The following SYTL2 variants were observed in gnomAD, a reference collection of about 807,000 sequenced individuals.
The protein encoded by SYTL2 is synaptotagmin like 2, also known as synaptotagmin-like protein 2.
Under a neutral mutation model 198.7 loss-of-function variants are expected in SYTL2, and 165 were observed. That is an observed-to-expected ratio of 0.83 (90% CI 0.73 to 0.94). The LOEUF is 0.94. Ranked by LOEUF, SYTL2 falls within the 40% of genes least tolerant of loss-of-function variation. SYTL2 has a pLI of 0.00. For synonymous variants in SYTL2, 966 were observed against 917.7 expected (o/e 1.05, Z -0.95); for missense variants, 2,835 against 2,582.8 (o/e 1.10, Z -2.12).
the SYTL2 span, among the ~76,000 whole-genome samples, chr11:85,848,268 A>G: frequency 6.6e-5 from 10 of 151,696 alleles, no homozygotes; most frequent in African/African-American, 2.2e-4. Context: ...AAAAGAAAAA[A>G]GAAAAAAAAA....
intron 1 of SYTL2, among the ~76,000 whole-genome samples, chr11:85,763,157 T>C (rs1223306886): frequency 2.0e-5 from 3 of 152,232 alleles, no homozygotes; most frequent in Admixed American, 6.5e-5. Context: ...GATGGGTATA[T>C]TCTCTTCCTT....
chr11:85,705,766 T>C (rs1007147567), intron 15 of SYTL2, among the ~76,000 whole-genome samples: 2 of 152,212 alleles, frequency 1.3e-5, no homozygotes, highest in South Asian at 4.1e-4. Flanking sequence ...AGTCTGCCTT[T>C]CTCTGAGCTT....
chr11:85,823,158 G>A, the SYTL2 span, among the ~76,000 whole-genome samples: 1 of 152,322 alleles, frequency 6.6e-6, no homozygotes, highest in East Asian at 1.9e-4. Context: ...GTTCCATGCA[G>A]GCAGAAACAT....
chr11:85,853,336 G>A, the SYTL2 span: 1 of 445,292 alleles, frequency 2.2e-6, no homozygotes, highest in Non-Finnish European at 4.5e-6. Context: ...TTCTGCCTTG[G>A]GATGCTGTTG....
intron 1 of SYTL2, among the ~76,000 whole-genome samples, chr11:85,809,703 T>C (rs2093005514): frequency 6.6e-6 from 1 of 152,168 alleles, no homozygotes; most frequent in South Asian, 2.1e-4. Context: ...TAAGGATATA[T>C]TACATACAAA....
At chr11:85,720,819 T>C (rs773557220) in intron 9 of SYTL2, 39 bp downstream of exon 9, 1 of 1,440,648 alleles carries the variant, frequency 6.9e-7, no homozygotes, top group Non-Finnish European at 9.8e-7. Context: ...TTTTTAAGCT[T>C]AGATGGGGCA....
chr11:85,789,596 T>C (rs888469114), intron 1 of SYTL2, among the ~76,000 whole-genome samples: 34 of 151,378 alleles, frequency 2.2e-4, no homozygotes, highest in African/African-American at 7.0e-4. Context: ...CAATTAACAA[T>C]AGCATATACT....
At chr11:85,767,817 T>A (rs2092274528) in intron 1 of SYTL2, among the ~76,000 whole-genome samples, 1 of 152,188 alleles carries the variant, frequency 6.6e-6, no homozygotes, top group African/African-American at 2.4e-5. Context: ...GAATGGTGCC[T>A]AGATGATTGT....
the SYTL2 span, among the ~76,000 whole-genome samples, chr11:85,833,085 A>AAG: frequency 1.7e-5 from 1 of 60,296 alleles, no homozygotes; most frequent in African/African-American, 5.6e-5. Flanking sequence ...GAAAGAAAGA[A>AAG]AGAAAGAAAG....
chr11:85,747,748 T>G (rs1251444404), intron 3 of SYTL2, among the ~76,000 whole-genome samples: 1 of 152,160 alleles, frequency 6.6e-6, no homozygotes, highest in Admixed American at 6.6e-5. Context: ...CAAAACAAAG[T>G]TGATGTCTGT....
chr11:85,716,602 GT>G (rs2087274564), intron 11 of SYTL2: 1 of 151,752 alleles, frequency 6.6e-6, no homozygotes, highest in African/African-American at 2.4e-5. Flanking sequence ...TTAAAATATT[GT>G]GGCCCTGAGG....
chr11:85,804,757 A>C (rs970894459), intron 1 of SYTL2, among the ~76,000 whole-genome samples: 1 of 152,234 alleles, frequency 6.6e-6, no homozygotes, highest in Non-Finnish European at 1.5e-5. Flanking sequence ...TACCTTTAAA[A>C]TAACTGAATA....
At chr11:85,788,758 A>G (rs1592034290) in intron 1 of SYTL2, among the ~76,000 whole-genome samples, 1 of 151,136 alleles carries the variant, frequency 6.6e-6, no homozygotes, top group South Asian at 2.1e-4. Context: ...ATTACAAGTA[A>G]AATTATTCTA....
chr11:85,793,005 C>T (rs2092753390), intron 1 of SYTL2, among the ~76,000 whole-genome samples: 2 of 151,964 alleles, frequency 1.3e-5, no homozygotes, highest in Non-Finnish European at 2.9e-5. Flanking sequence ...ATATGTGCCA[C>T]ATTTTCTTAA....
chr11:85,833,801 C>A, the SYTL2 span, among the ~76,000 whole-genome samples: 1 of 146,110 alleles, frequency 6.8e-6, no homozygotes, highest in Non-Finnish European at 1.5e-5. Flanking sequence ...TGTAGTGGTA[C>A]GATCGTGGCT....
At chr11:85,747,399 T>C (rs2091228178) in intron 3 of SYTL2, among the ~76,000 whole-genome samples, 1 of 152,198 alleles carries the variant, frequency 6.6e-6, no homozygotes, top group African/African-American at 2.4e-5. Flanking sequence ...TGGGGTGGGA[T>C]GCTGGCTGCC....
At chr11:85,719,027 CG>C (rs1565905920) in intron 9 of SYTL2, 184 bp from the exon 10 acceptor site, 1 of 1,523,060 alleles carries the variant, frequency 6.6e-7, no homozygotes, top group African/African-American at 1.4e-5. Context: ...AGTGCCATAG[CG>C]GGAGCTCCCA....
the SYTL2 span, chr11:85,854,133 G>C: frequency 6.6e-6 from 1 of 152,142 alleles, no homozygotes; most frequent in African/African-American, 2.4e-5. Context: ...GATTGTAGGC[G>C]TGAGGGATTA....
intron 9 of SYTL2, chr11:85,719,280 A>G: frequency 1.7e-6 from 2 of 1,169,872 alleles, no homozygotes; most frequent in Non-Finnish European, 2.1e-6. Flanking sequence ...TTGCTTGGGA[A>G]GTCAACTGAA....
Sources: allele counts gnomAD v4.1 joint callset (sites outside exome capture counted in the v4.1 genomes callset), GRCh38; gene constraint gnomAD v4.1.1; transcripts MANE v1.5; gene names NCBI Gene and HGNC (gene_info 2026-07-23, HGNC 2026-07-21).